The following AGBL1 variants were observed in gnomAD, a reference collection of about 807,000 sequenced individuals.
AGBL1 encodes the protein AGBL carboxypeptidase 1.
AGBL1 carries 130 observed loss-of-function variants against 118.9 expected under a neutral mutation model. The ratio of observed to expected loss-of-function variants is 1.09; its 90% CI spans 0.95 to 1.26. The LOEUF (loss-of-function observed/expected upper bound fraction) is 1.26, where lower values mean the gene tolerates loss of function less well. Ranked by LOEUF, AGBL1 falls within the 50% of genes most tolerant of loss-of-function variation. The probability of loss-of-function intolerance (pLI) is 0.00; values close to 1 mark genes in which losing one functional copy is unlikely to be tolerated. For missense variants in AGBL1, 1,584 were observed against 1,298.1 expected (o/e 1.22, Z -3.38); for synonymous variants, 555 against 478.9 (o/e 1.16, Z -2.08).
At chr15:86,359,756 C>A (rs1331675045) in intron 17 of AGBL1, among the ~76,000 whole-genome samples, 2 of 151,830 alleles carry the variant, frequency 1.3e-5, no homozygotes, top group African/African-American at 4.8e-5. Context: ...ATAAAATAAG[C>A]ATACAAGTCT....
At chr15:86,467,172 C>G (rs547375635) in intron 18 of AGBL1, among the ~76,000 whole-genome samples, 4 of 152,162 alleles carry the variant, frequency 2.6e-5, no homozygotes, top group African/African-American at 4.8e-5. Flanking sequence ...GGCCCTGCCC[C>G]GAGAGGAGGA....
intron 19 of AGBL1, among the ~76,000 whole-genome samples, chr15:86,540,219 G>A (rs928819092): frequency 6.6e-6 from 1 of 152,114 alleles, no homozygotes; most frequent in African/African-American, 2.4e-5. Context: ...GCAGTGCTGT[G>A]TTATATTAAA....
chr15:86,195,654 C>G (rs569457104), intron 5 of AGBL1, among the ~76,000 whole-genome samples: 1 of 152,228 alleles, frequency 6.6e-6, no homozygotes, highest in East Asian at 1.9e-4. Context: ...AATCCAGCAT[C>G]CTGTCACTCT....
At chr15:86,532,298 C>G (rs1431855973) in intron 19 of AGBL1, among the ~76,000 whole-genome samples, 1 of 152,000 alleles carries the variant, frequency 6.6e-6, no homozygotes, top group East Asian at 1.9e-4. Flanking sequence ...AAATCACAAG[C>G]ATTGTCATAC....
chr15:86,975,320 A>G (rs2081163839), intron 23 of AGBL1, among the ~76,000 whole-genome samples: 1 of 152,056 alleles, frequency 6.6e-6, no homozygotes, highest in South Asian at 2.1e-4. Context: ...GTGGCAGGCA[A>G]GAGAGCATGT....
chr15:86,166,372 C>T (rs2077341913), intron 5 of AGBL1, among the ~76,000 whole-genome samples: 1 of 152,188 alleles, frequency 6.6e-6, no homozygotes, highest in Non-Finnish European at 1.5e-5. Flanking sequence ...AAATGACCAG[C>T]TCCCTATCCT....
At chr15:86,963,475 G>A (rs1162874169) in intron 23 of AGBL1, among the ~76,000 whole-genome samples, 3 of 151,914 alleles carry the variant, frequency 2.0e-5, no homozygotes, top group East Asian at 3.9e-4. Flanking sequence ...CAATCAAAGG[G>A]AACATCATCT....
chr15:86,623,585 C>T (rs2084843868), intron 21 of AGBL1, among the ~76,000 whole-genome samples: 1 of 152,166 alleles, frequency 6.6e-6, no homozygotes, highest in Non-Finnish European at 1.5e-5. Flanking sequence ...TTCTTGCTCT[C>T]TTTATTTTAT....
At chr15:86,372,595 T>G (rs2080986531) in intron 17 of AGBL1, among the ~76,000 whole-genome samples, 1 of 152,278 alleles carries the variant, frequency 6.6e-6, no homozygotes, top group Admixed American at 6.5e-5. Flanking sequence ...TGCAAATATA[T>G]GCTTATATAG....
At chr15:86,868,697 C>A (rs571920217) in intron 22 of AGBL1, among the ~76,000 whole-genome samples, 1 of 152,180 alleles carries the variant, frequency 6.6e-6, no homozygotes, top group East Asian at 1.9e-4. Flanking sequence ...AAGAGAAAAT[C>A]TTCATTCTGT....
At chr15:86,462,778 G>A (rs1437182449) in intron 18 of AGBL1, among the ~76,000 whole-genome samples, 1 of 152,108 alleles carries the variant, frequency 6.6e-6, no homozygotes, top group Non-Finnish European at 1.5e-5. Context: ...GCTTTTTTAT[G>A]GCTGCATAAT....
chr15:86,341,497 C>T (rs2080461095), intron 17 of AGBL1, among the ~76,000 whole-genome samples: 1 of 152,092 alleles, frequency 6.6e-6, no homozygotes, highest in Non-Finnish European at 1.5e-5. Flanking sequence ...ATGTAATGAC[C>T]AGGGATTTTA....
chr15:86,693,071 G>C (rs1051171294), intron 22 of AGBL1, among the ~76,000 whole-genome samples: 2 of 152,054 alleles, frequency 1.3e-5, no homozygotes, highest in African/African-American at 2.4e-5. Flanking sequence ...CTATAGACAG[G>C]CATGTGCAAG....
In AGBL1 at chr15:86,376,135, C is replaced by T. The variant is rs139205787; in HGVS notation, c.2375-21231C>T. 2.9e-3 allele frequency among the ~76,000 whole-genome samples: 449 copies of T among 152,286 alleles called. 2 individuals are homozygous for T. The highest frequency in any genetic ancestry group is 0.02 in the Middle Eastern group (6 of 294). Reference sequence around the variant, plus strand: ...TGGTATGTGTTTTAAGCCTTCCTGACAAGTTAGAGACTCAATGGGACAAAG... The same window carrying T: ...TGGTATGTGTTTTAAGCCTTCCTGATAAGTTAGAGACTCAATGGGACAAAG... On this transcript the variant is annotated intron_variant, in intron 17 of 22. Transcript: ENST00000614907.
rs1378230619 is a variant in AGBL1, at chr15:86,911,355, A to G, written c.*4061A>G. 1 of 152,180 alleles carries G rather than the reference A, an allele frequency of 6.6e-6. No individual in the cohort carries two copies. The highest frequency in any genetic ancestry group is 1.5e-5 in the Non-Finnish European group (1 of 68,048). The allele number at this position is 152,180 out of a possible 1,614,324, so 9.4% of individuals were successfully genotyped here. A position where few individuals can be genotyped will look rare whatever the true frequency, so the allele number is the denominator to read the frequency against. ...AAGATAGTCCCATTGTTAGAATAGA[A>G]GCCCAAGACTTGCCACCCACGAGCC... On this transcript the variant is annotated 3_prime_UTR_variant, in exon 23 of 23. Transcript: ENST00000614907.
intron 21 of AGBL1, among the ~76,000 whole-genome samples, chr15:86,561,179 G>A (rs2083813914): frequency 6.6e-6 from 1 of 152,150 alleles, no homozygotes; most frequent in African/African-American, 2.4e-5. Flanking sequence ...TGTTGCCATT[G>A]CTTTTGGTGT....
chr15:86,264,690 C>A lies in AGBL1; in HGVS notation c.1519C>A (p.Pro507Thr). The change falls in exon 11 of 23, where the codon CCT becomes ACT. Residue 507 changes from proline to threonine, a missense_variant. Pro to Thr is a conservative substitution (Grantham distance 38). Transcript: ENST00000614907. ...TCTGCAGACACATCTGAAGCGTGTCCCTTTCCACGATCCCTATCTTTATAT... is the reference window on the plus strand; with the variant it reads ...TCTGCAGACACATCTGAAGCGTGTCACTTTCCACGATCCCTATCTTTATAT... ...KLLQTHLKRV[P>T]FHDPYLYMAK... is the part of the protein sequence containing the mutation. 1 of 1,613,974 alleles carries A rather than the reference C, an allele frequency of 6.2e-7. No homozygotes were observed. Among genetic ancestry groups the A allele is most frequent in the Non-Finnish European group, 8.5e-7 (1 of 1,179,898 alleles).
intron 18 of AGBL1, among the ~76,000 whole-genome samples, chr15:86,504,926 T>C (rs2082957809): frequency 6.6e-6 from 1 of 151,764 alleles, no homozygotes; most frequent in African/African-American, 2.4e-5. Flanking sequence ...AGCCTTCCCT[T>C]TAGTGTGTCT....
At chr15:86,303,829 A>G (rs1274495115) in intron 17 of AGBL1, among the ~76,000 whole-genome samples, 2 of 152,196 alleles carry the variant, frequency 1.3e-5, no homozygotes, top group African/African-American at 4.8e-5. Context: ...TTACAAAACA[A>G]TTACATATGA....
Sources: gnomAD v4.1 joint callset for allele counts (sites outside exome capture counted in the v4.1 genomes callset) on GRCh38, gnomAD v4.1.1 for gene constraint, MANE v1.5 for transcripts, NCBI Gene and HGNC (gene_info 2026-07-23, HGNC 2026-07-21) for gene names.